The following SGCZ variants were observed in gnomAD, a reference collection of about 807,000 sequenced individuals.
SGCZ encodes the protein zeta-sarcoglycan.
SGCZ carries 40 observed loss-of-function variants against 41.3 expected under a neutral mutation model. That is an observed-to-expected ratio of 0.97 (90% confidence interval 0.75 to 1.26). SGCZ has a LOEUF of 1.26. Among genes scored for constraint, SGCZ ranks in the 50% most tolerant of loss-of-function variants. SGCZ has a pLI of 0.00. For synonymous variants in SGCZ, 206 were observed against 137.5 expected (o/e 1.50, Z -3.49); for missense variants, 552 against 369.8 (o/e 1.49, Z -4.04).
chr8:14,099,523 C>G (rs1801945837), intron 7 of SGCZ, among the ~76,000 whole-genome samples: 1 of 152,050 alleles, frequency 6.6e-6, no homozygotes, highest in African/African-American at 2.4e-5. Context: ...TCAGGAGTTC[C>G]AGACAAGCCT....
chr8:14,147,224 C>T (rs1803554835), intron 5 of SGCZ, among the ~76,000 whole-genome samples: 2 of 151,666 alleles, frequency 1.3e-5, no homozygotes, highest in African/African-American at 4.8e-5. Context: ...ACAAAACAAC[C>T]AGAAAAAGAA....
At chr8:14,420,815 T>C (rs1799618171) in intron 2 of SGCZ, among the ~76,000 whole-genome samples, 1 of 152,154 alleles carries the variant, frequency 6.6e-6, no homozygotes, top group Admixed American at 6.6e-5. Flanking sequence ...TTCCTCCTTT[T>C]ATCTTTGTTA....
At chr8:14,352,797 G>C (rs1011844020) in intron 2 of SGCZ, among the ~76,000 whole-genome samples, 6 of 151,972 alleles carry the variant, frequency 3.9e-5, no homozygotes, top group African/African-American at 9.7e-5. Flanking sequence ...GTCCTATCCA[G>C]GTTCCTCCCT....
At chr8:14,457,189 C>CGCTCTATAATCCTAG (rs1800770342) in intron 2 of SGCZ, among the ~76,000 whole-genome samples, 1 of 152,198 alleles carries the variant, frequency 6.6e-6, no homozygotes, top group Admixed American at 6.5e-5. Flanking sequence ...TGATAATCCT[C>CGCTCTATAATCCTAG]GCTCTATAAT....
At chr8:14,805,387 C>CCCACACAT in intron 1 of SGCZ, among the ~76,000 whole-genome samples, 1 of 89,206 alleles carries the variant, frequency 1.1e-5, no homozygotes, top group East Asian at 3.6e-4. Flanking sequence ...GGAGGAAGAT[C>CCCACACAT]TACCAAGCAA....
At chr8:14,930,186 C>A (rs975363154) in intron 1 of SGCZ, among the ~76,000 whole-genome samples, 5 of 151,908 alleles carry the variant, frequency 3.3e-5, no homozygotes, top group Non-Finnish European at 7.4e-5. Flanking sequence ...AGGATGTGAA[C>A]AGACACTTCT....
At chr8:14,522,949 A>G (rs1802833954) in intron 2 of SGCZ, among the ~76,000 whole-genome samples, 1 of 151,756 alleles carries the variant, frequency 6.6e-6, no homozygotes, top group Non-Finnish European at 1.5e-5. Context: ...TGATTTATCT[A>G]TATTAATTTT....
At chr8:14,166,699 C>G (rs1016694652) in intron 4 of SGCZ, among the ~76,000 whole-genome samples, 1 of 152,042 alleles carries the variant, frequency 6.6e-6, no homozygotes, top group Admixed American at 6.6e-5. Flanking sequence ...AATACCAAGA[C>G]TTTTCTTGGC....
At chr8:14,910,742 A>G (rs1264242980) in intron 1 of SGCZ, among the ~76,000 whole-genome samples, 1 of 151,978 alleles carries the variant, frequency 6.6e-6, no homozygotes, top group Non-Finnish European at 1.5e-5. Flanking sequence ...TATTATACCT[A>G]TTATGAAAAT....
chr8:15,195,584 G>A (rs1800696732), intron 1 of SGCZ, among the ~76,000 whole-genome samples: 1 of 152,102 alleles, frequency 6.6e-6, no homozygotes, highest in Non-Finnish European at 1.5e-5. Context: ...ACCCTTTGGT[G>A]ACAAGAGTCC....
At chr8:14,672,557 C>G (rs750052044) in intron 1 of SGCZ, among the ~76,000 whole-genome samples, 28 of 152,126 alleles carry the variant, frequency 1.8e-4, no homozygotes, top group Non-Finnish European at 3.2e-4. Context: ...CATGTAGCCA[C>G]CTACAGTAGG....
intron 2 of SGCZ, among the ~76,000 whole-genome samples, chr8:14,341,998 G>T (rs1802727993): frequency 6.6e-6 from 1 of 152,192 alleles, no homozygotes. Context: ...CTAAAATGAG[G>T]AAGTGACTTT....
chr8:14,517,908 TAA>T (rs1356527823), intron 2 of SGCZ, among the ~76,000 whole-genome samples: 1 of 151,852 alleles, frequency 6.6e-6, no homozygotes, highest in African/African-American at 2.4e-5. Context: ...CTATTTTTCA[TAA>T]GTGTTTGTTT....
chr8:14,434,490 C>A (rs73188359), intron 2 of SGCZ, among the ~76,000 whole-genome samples: 7 of 151,902 alleles, frequency 4.6e-5, no homozygotes, highest in South Asian at 2.1e-4. Flanking sequence ...ATTGCTTTTC[C>A]TAATTGTGTG....
intron 1 of SGCZ, among the ~76,000 whole-genome samples, chr8:14,948,577 A>AT (rs1686271401): frequency 6.6e-6 from 1 of 152,086 alleles, no homozygotes; most frequent in Admixed American, 6.6e-5. Context: ...ACTTCCTTAG[A>AT]TGACATTTAT....
chr8:14,658,004 A>C (rs904966661), intron 1 of SGCZ, among the ~76,000 whole-genome samples: 1 of 152,170 alleles, frequency 6.6e-6, no homozygotes, highest in Non-Finnish European at 1.5e-5. Flanking sequence ...AATCTAATTT[A>C]AAAAAAGGAA....
chr8:14,972,424 C>A (rs376481100), intron 1 of SGCZ, among the ~76,000 whole-genome samples: 1 of 152,062 alleles, frequency 6.6e-6, no homozygotes. Flanking sequence ...TTCTTGTAGG[C>A]AGCATGGAAT....
intron 4 of SGCZ, among the ~76,000 whole-genome samples, chr8:14,235,611 T>G (rs573693292): frequency 6.6e-6 from 1 of 152,206 alleles, no homozygotes; most frequent in African/African-American, 2.4e-5. Context: ...AATCAAATGA[T>G]TGCTTTGCTC....
intron 2 of SGCZ, among the ~76,000 whole-genome samples, chr8:14,423,195 G>A (rs1008745351): frequency 6.6e-6 from 1 of 151,806 alleles, no homozygotes; most frequent in South Asian, 2.1e-4. Flanking sequence ...ATAGCATTAG[G>A]AGATATACCT....
Sources: allele counts gnomAD v4.1 joint callset (sites outside exome capture counted in the v4.1 genomes callset), GRCh38; gene constraint gnomAD v4.1.1; transcripts MANE v1.5; gene names NCBI Gene and HGNC (gene_info 2026-07-23, HGNC 2026-07-21).